PFKM: variants seen among roughly 807,000 people sequenced by gnomAD.
PFKM encodes phosphofructokinase, muscle, also known as ATP-dependent 6-phosphofructokinase, muscle type.
A neutral mutation model predicts 95.5 loss-of-function variants in PFKM; 58 were observed. That is an observed-to-expected ratio of 0.61 (90% confidence interval 0.49 to 0.76). PFKM has a LOEUF of 0.76. PFKM is among the 30% of genes least tolerant of loss of function. PFKM has a pLI of 0.00. For synonymous variants in PFKM, 336 were observed against 357.2 expected (o/e 0.94, Z 0.67); for missense variants, 678 against 1,005.4 (o/e 0.67, Z 4.40).
At chr12:48,109,359 TTTTTC>T (rs990667669) in intron 3 of PFKM, among the ~76,000 whole-genome samples, 13 of 148,896 alleles carry the variant, frequency 8.7e-5, no homozygotes, top group Admixed American at 6.0e-4. Context: ...CCTTCCTTTC[TTTTTC>T]TTTTCTTTCC....
chr12:48,117,237 A>G (rs1025757764), upstream of PFKM, among the ~76,000 whole-genome samples: 2 of 152,188 alleles, frequency 1.3e-5, 1 homozygote, highest in Middle Eastern at 6.3e-3. Flanking sequence ...TCACCTTTTG[A>G]GGGACATCTT....
intron 16 of PFKM, 39 bp downstream of exon 16, chr12:48,141,866 C>T (rs766061960): frequency 1.9e-6 from 3 of 1,613,036 alleles, no homozygotes; most frequent in Non-Finnish European, 2.5e-6. Flanking sequence ...CTCCCTCCTA[C>T]CTCCTCTCCC....
intron 20 of PFKM, among the ~76,000 whole-genome samples, 163 bp downstream of exon 20, chr12:48,144,320 A>G (rs915771461): frequency 2.0e-5 from 3 of 152,182 alleles, no homozygotes; most frequent in Admixed American, 2.0e-4. Flanking sequence ...ACAGTCATAG[A>G]ATCAAAACAT....
At chr12:48,126,870 T>C (rs780345542) in intron 2 of PFKM, among the ~76,000 whole-genome samples, 1 of 152,258 alleles carries the variant, frequency 6.6e-6, no homozygotes, top group Non-Finnish European at 1.5e-5. Context: ...TCCTAAAGCA[T>C]TGAAGGCTTT....
At chr12:48,129,463 A>T (rs1949228473) in intron 2 of PFKM, among the ~76,000 whole-genome samples, 1 of 151,948 alleles carries the variant, frequency 6.6e-6, no homozygotes, top group South Asian at 2.1e-4. Flanking sequence ...ACAGGAAGAG[A>T]CTAGCAAATA....
At chr12:48,143,711 T>G (rs1277640917) in intron 18 of PFKM, 42 bp from the exon 19 acceptor site, 1 of 1,426,332 alleles carries the variant, frequency 7.0e-7, no homozygotes, top group African/African-American at 1.4e-5. Context: ...CCCAACCTTA[T>G]CCATTCCCAG....
intron 1 of PFKM, among the ~76,000 whole-genome samples, chr12:48,122,331 T>G (rs2137847983): frequency 6.6e-6 from 1 of 152,326 alleles, no homozygotes; most frequent in South Asian, 2.1e-4. Context: ...TACTTCTACT[T>G]TGCTGATTGT....
chr12:48,108,625 A>G (rs1337483752), intron 3 of PFKM, among the ~76,000 whole-genome samples: 1 of 152,210 alleles, frequency 6.6e-6, no homozygotes, highest in African/African-American at 2.4e-5. Flanking sequence ...AAAAATTTTC[A>G]TCTTAGGAAA....
intron 11 of PFKM, among the ~76,000 whole-genome samples, 165 bp from the exon 12 acceptor site, chr12:48,139,120 A>C (rs1467487521): frequency 6.6e-6 from 1 of 152,236 alleles, no homozygotes; most frequent in Admixed American, 6.5e-5. Context: ...CAGGAAAAAC[A>C]AAAATACTTC....
At chr12:48,122,887 C>T (rs1416274605) in intron 2 of PFKM, 28 bp downstream of exon 2, 2 of 1,603,678 alleles carry the variant, frequency 1.2e-6, no homozygotes, top group Admixed American at 1.7e-5. Context: ...AAAAACATGG[C>T]TGGTGGGACT....
intron 12 of PFKM, 183 bp downstream of exon 12, chr12:48,139,532 G>A (rs1950401383): frequency 1.5e-6 from 1 of 651,528 alleles, no homozygotes; most frequent in South Asian, 1.7e-5. Flanking sequence ...TTCATCTCAG[G>A]GGTGTGGTCC....
upstream of PFKM, among the ~76,000 whole-genome samples, chr12:48,117,638 C>G (rs561214194): frequency 3.9e-5 from 6 of 152,298 alleles, no homozygotes; most frequent in South Asian, 2.1e-4. Context: ...TTGGTCAACT[C>G]TTTTGCCCAT....
chr12:48,142,473 A>T (rs1950658281), intron 17 of PFKM: 2 of 446,804 alleles, frequency 4.5e-6, no homozygotes, highest in Non-Finnish European at 8.2e-6. Flanking sequence ...CAGTTTCCTC[A>T]CCTAGAAATG....
intron 2 of PFKM, among the ~76,000 whole-genome samples, chr12:48,126,343 A>T (rs1948832863): frequency 1.3e-5 from 2 of 152,120 alleles, no homozygotes. Context: ...ATTTTTAGGG[A>T]ACTAGGGGTT....
At chr12:48,131,576 G>T in intron 4 of PFKM, 183 bp downstream of exon 4, 1 of 659,870 alleles carries the variant, frequency 1.5e-6, no homozygotes, top group Non-Finnish European at 2.8e-6. Context: ...TGGTTTCCTG[G>T]GGCAGGGAGA....
chr12:48,108,336 CAG>C (rs143876912), intron 3 of PFKM: 1,458 of 589,482 alleles, frequency 2.5e-3, no homozygotes, highest in South Asian at 4.4e-3. Flanking sequence ...GTGTGTGAAA[CAG>C]AGAGAGAGAG....
chr12:48,105,361 C>A, upstream of PFKM: 1 of 518,870 alleles, frequency 1.9e-6, no homozygotes, highest in South Asian at 1.4e-5. Flanking sequence ...CCAGAGATCA[C>A]GTTAGGGTAC....
Position 48,122,771 on chromosome 12 carries a change from G to T in PFKM, c.-4G>T. On this transcript the variant is annotated 5_prime_UTR_variant, in exon 2 of 23. Coordinates refer to ENST00000359794, the MANE Select transcript of PFKM (RefSeq NM_000289.6). ...GACCATTGTCTTAAATTCTAGAGTG[G>T]ATCATGACCCATGAAGAGCACCATG... The T allele has an allele frequency of 6.2e-7, 1 of 1,613,960 alleles. No individual in the cohort carries two copies. The highest frequency in any genetic ancestry group is 8.5e-7 in the Non-Finnish European group (1 of 1,179,906).
At chr12:48,118,836 A>G (rs113505148), upstream of PFKM, among the ~76,000 whole-genome samples, 35 of 152,176 alleles carry the variant, frequency 2.3e-4, no homozygotes, top group African/African-American at 7.7e-4. Flanking sequence ...TTTTGAGGCT[A>G]TTCTATAGAA....
Sources: gnomAD v4.1 joint callset for allele counts (sites outside exome capture counted in the v4.1 genomes callset) on GRCh38, gnomAD v4.1.1 for gene constraint, MANE v1.5 for transcripts, NCBI Gene and HGNC (gene_info 2026-07-23, HGNC 2026-07-21) for gene names.